The following ARMCX4 variants were observed in gnomAD, a reference collection of about 807,000 sequenced individuals.
The protein encoded by ARMCX4 is armadillo repeat-containing X-linked protein 4.
ARMCX4 carries 3 observed loss-of-function variants against 34.7 expected under a neutral mutation model. The ratio of observed to expected loss-of-function variants is 0.09; its 90% CI spans 0.04 to 0.22. The LOEUF is 0.22. Among genes scored for constraint, ARMCX4 ranks in the 10% least tolerant of loss-of-function variants. ARMCX4 has a pLI of 1.00. For missense variants in ARMCX4, 1,448 were observed against 1,720.8 expected, an observed-to-expected ratio of 0.84 and a Z score of 2.81; for synonymous variants, 513 against 632.8, an observed-to-expected ratio of 0.81 and a Z score of 2.84.
At chrX:101,525,169 C>T (rs1467407586) in intron 11 of ARMCX4, among the ~76,000 whole-genome samples, 1 of 111,862 alleles carries the variant, frequency 8.9e-6, no homozygotes, top group Non-Finnish European at 1.9e-5. Context: ...TTGGGGATAC[C>T]CAGGCAAACA....
downstream of ARMCX4, among the ~76,000 whole-genome samples, chrX:101,446,726 C>T (rs782078083): frequency 1.5e-4 from 17 of 110,152 alleles, no homozygotes; most frequent in African/African-American, 3.6e-4. Context: ...GATGCTGAGG[C>T]GGGTGGATCA....
chrX:101,461,486 C>G (rs1228703893), intron 4 of ARMCX4, among the ~76,000 whole-genome samples: 2 of 112,013 alleles, frequency 1.8e-5, no homozygotes, highest in African/African-American at 6.5e-5. Context: ...TGGTTTCTAC[C>G]TTTTGGCTAT....
chrX:101,497,934 T>TAA (rs1556012353), downstream of ARMCX4, among the ~76,000 whole-genome samples: 45 of 111,770 alleles, frequency 4.0e-4, no homozygotes, highest in African/African-American at 1.4e-3. Context: ...ATTATTTTAA[T>TAA]TGCCAGGAGT....
chrX:101,467,721 G>A (rs1556002242), intron 4 of ARMCX4, among the ~76,000 whole-genome samples: 4 of 111,606 alleles, frequency 3.6e-5, no homozygotes. Flanking sequence ...TTTTCTATGT[G>A]TATTAGTTAA....
At chrX:101,506,582 T>C (rs1556015223) in intron 8 of ARMCX4, among the ~76,000 whole-genome samples, 1 of 111,246 alleles carries the variant, frequency 9.0e-6, no homozygotes, top group African/African-American at 3.3e-5. Flanking sequence ...ATACTAATCC[T>C]ACAAAATCAG....
chrX:101,439,667 T>C (rs1372555345), intron 2 of ARMCX4, among the ~76,000 whole-genome samples: 2 of 111,904 alleles, frequency 1.8e-5, no homozygotes, highest in Non-Finnish European at 3.8e-5. Flanking sequence ...TTAGAGGCTT[T>C]GTTCGTTTCT....
At chrX:101,517,873 A>G (rs1217567931) in intron 11 of ARMCX4, among the ~76,000 whole-genome samples, 3 of 111,581 alleles carry the variant, frequency 2.7e-5, no homozygotes, top group Non-Finnish European at 5.7e-5. Context: ...AAGAAATAAT[A>G]GAAAGAAATT....
intron 11 of ARMCX4, among the ~76,000 whole-genome samples, chrX:101,528,651 C>G (rs1185104698): frequency 9.0e-6 from 1 of 111,641 alleles, no homozygotes; most frequent in African/African-American, 3.3e-5. Flanking sequence ...GATACAAAAT[C>G]AATGTGCAAA....
chrX:101,428,812 C>T (rs1452670572), intron 2 of ARMCX4, among the ~76,000 whole-genome samples: 3 of 109,942 alleles, frequency 2.7e-5, no homozygotes, highest in Admixed American at 9.8e-5. Flanking sequence ...TTCCTTTTCC[C>T]TTGCACTTGA....
At chrX:101,459,483 G>A (rs782133453) in intron 4 of ARMCX4, among the ~76,000 whole-genome samples, 1 of 111,488 alleles carries the variant, frequency 9.0e-6, no homozygotes, top group African/African-American at 3.3e-5. Flanking sequence ...AGCTATAATA[G>A]CTATAATAGC....
intron 4 of ARMCX4, among the ~76,000 whole-genome samples, chrX:101,475,789 A>G (rs1436936116): frequency 1.8e-5 from 2 of 111,708 alleles, no homozygotes; most frequent in Non-Finnish European, 3.8e-5. Context: ...GTCTGGTTAT[A>G]TTACCTAGAA....
At chrX:101,481,123 C>G (rs782403212), upstream of ARMCX4, among the ~76,000 whole-genome samples, 1 of 110,632 alleles carries the variant, frequency 9.0e-6, no homozygotes, top group Non-Finnish European at 1.9e-5. Flanking sequence ...GAACCTATCT[C>G]AAAACAAAAC....
At chrX:101,446,414 G>T (rs1931633789), downstream of ARMCX4, among the ~76,000 whole-genome samples, 1 of 111,248 alleles carries the variant, frequency 9.0e-6, no homozygotes, top group Non-Finnish European at 1.9e-5. Flanking sequence ...AAAACAAGGG[G>T]GCATAAAATG....
chrX:101,499,782 G>A (rs782054295), downstream of ARMCX4, among the ~76,000 whole-genome samples: 1 of 111,920 alleles, frequency 8.9e-6, no homozygotes, highest in African/African-American at 3.2e-5. Context: ...AATAGGACAT[G>A]GACAGTCAAT....
intron 2 of ARMCX4, among the ~76,000 whole-genome samples, chrX:101,432,600 G>T (rs1412732250): frequency 9.2e-6 from 1 of 109,098 alleles, no homozygotes; most frequent in Non-Finnish European, 1.9e-5. Context: ...GGCAGAGGTT[G>T]CAGTGAGCCG....
chrX:101,491,387 A>G lies in ARMCX4; in HGVS notation c.2798A>G (p.Asn933Ser), dbSNP rs1406148501. The change falls in exon 6 of 6, where the codon AAT becomes AGT. Residue 933 changes from asparagine (N) to serine (S), a missense_variant. Physicochemically the swap from Asn to Ser is conservative, Grantham distance 46. Transcript: ENST00000423738. Reference sequence around the variant, plus strand: ...AGGAATAAGGTCAAGGGCAATTCCAATGCTATTTCTAAGGCAGAGGCTGGG... The same window carrying G: ...AGGAATAAGGTCAAGGGCAATTCCAGTGCTATTTCTAAGGCAGAGGCTGGG... ...GARNKVKGNS[N>S]AISKAEAGAG... 3 of 1,154,118 alleles carry G rather than the reference A, an allele frequency of 2.6e-6. No homozygotes were observed. Among genetic ancestry groups the G allele is most frequent in the Admixed American group, 2.6e-5 (1 of 38,606 alleles).
rs782284098 is a variant in ARMCX4, at chrX:101,490,230, T to G, written c.1641T>G (p.Cys547Trp). The stretch of plus-strand genomic sequence containing the variant: ...GGCCTGGGATGGACATGAAAACCTG[T>G]ACACAACCTCAGGCTGGGGTCAAGA... ...KTGPGMDMKTCTQPQAGVKTP... is the reference protein window; with the variant it reads ...KTGPGMDMKTWTQPQAGVKTP... The change falls in exon 6 of 6, where the codon TGT (cysteine) becomes TGG (tryptophan). Residue 547 changes from cysteine to tryptophan, a missense_variant. Around this residue, in one of 2 missense-constraint regions of ARMCX4, gnomAD observed 1,343 missense variants for 1,540.7 expected, o/e 0.87. Coordinates refer to ENST00000423738, the MANE Select transcript of ARMCX4 (RefSeq NM_001256155.3). 1 of 1,153,120 alleles carries G rather than the reference T, an allele frequency of 8.7e-7. No individual in the cohort carries two copies. Among genetic ancestry groups the G allele is most frequent in the South Asian group, 1.9e-5 (1 of 52,487 alleles).
rs1556010049 is a variant in ARMCX4 at position 101,492,831 on chromosome X, G to A, written c.4242G>A (p.Lys1414=). 1 of 1,155,599 alleles carries A rather than the reference G, an allele frequency of 8.7e-7. No individual in the cohort carries two copies. The highest frequency in any genetic ancestry group is 2.6e-5 in the Admixed American group (1 of 38,794). ...GAGGQAGGGS[K]VGPEDQSSGR... ...GTGGCCAGGCTGGTGGAGGGTCCAA[G>A]GTGGGGCCTGAAGACCAGTCCAGTG... The change falls in exon 6 of 6, where the codon AAG becomes AAA. Residue 1414 remains lysine (K), a synonymous_variant. Coordinates refer to ENST00000423738, the MANE Select transcript of ARMCX4 (RefSeq NM_001256155.3).
chrX:101,510,374 A>G (rs1428459854), intron 10 of ARMCX4, among the ~76,000 whole-genome samples: 15 of 112,086 alleles, frequency 1.3e-4, no homozygotes, highest in African/African-American at 4.9e-4. Flanking sequence ...GCTCTCTTCC[A>G]ATGAATATTT....
Sources: allele counts gnomAD v4.1 joint callset (sites outside exome capture counted in the v4.1 genomes callset), GRCh38; gene constraint gnomAD v4.1.1; regional missense constraint gnomAD v4.1.1; transcripts MANE v1.5; gene names NCBI Gene and HGNC (gene_info 2026-07-23, HGNC 2026-07-21).